CELSR2: variants seen among roughly 807,000 people sequenced by gnomAD.
CELSR2 encodes the protein cadherin EGF LAG seven-pass G-type receptor 2.
CELSR2 carries 81 observed loss-of-function variants against 251.6 expected under a neutral mutation model. The ratio of observed to expected loss-of-function variants is 0.32; its 90% CI spans 0.27 to 0.39. The LOEUF (loss-of-function observed/expected upper bound fraction) is 0.39, where lower values mean the gene tolerates loss of function less well. Among genes scored for constraint, CELSR2 ranks in the 10% least tolerant of loss-of-function variants. The pLI, the probability that CELSR2 is intolerant of heterozygous loss-of-function variation, is 1.00. For synonymous variants in CELSR2, 1,721 were observed against 1,670.5 expected, an observed-to-expected ratio of 1.03 and a Z score of -0.74; for missense variants, 3,365 against 3,947.7, an observed-to-expected ratio of 0.85 and a Z score of 3.96.
Position 109,272,927 on chromosome 1 carries a change from AGAGGAGGAGGAAGAG to A in CELSR2, c.8243_8257del (p.Glu2748_Glu2752del). On this transcript the variant is annotated inframe_deletion, in exon 31 of 34. Transcript: ENST00000271332. The stretch of plus-strand genomic sequence containing the variant: ...ACTCATCAGACAGTGAGGAGGAAGA[AGAGGAGGAGGAAGAG>A]GAGGCCGCCTTCCCTGGAGAGCAGG... The A allele has an allele frequency of 6.2e-7, 1 of 1,613,992 alleles. No individual in the cohort carries two copies.
Position 109,262,516 on chromosome 1 carries a change from G to A in CELSR2, c.4544+72G>A, listed in dbSNP as rs952507935. ...CAGGCAGGGAGGGAAGGTGGAGAGG[G>A]TGGGCTTTTGGGGTCTCTCTCCCTT... is the stretch of plus-strand genomic sequence containing the variant. On this transcript the variant is annotated intron_variant, in intron 6 of 33. Transcript: ENST00000271332. The A allele has an allele frequency of 3.2e-6, 5 of 1,567,000 alleles. No individual in the cohort carries two copies. The South Asian group carries it at 5.8e-5, about 18-fold the overall frequency.
At chr1:109,255,803 AT>A (rs1480028386) in intron 1 of CELSR2, among the ~76,000 whole-genome samples, 3 of 152,194 alleles carry the variant, frequency 2.0e-5, no homozygotes, top group African/African-American at 4.8e-5. Flanking sequence ...GGAGGGTGAT[AT>A]AGAAAGGAGA....
Position 109,271,248 on chromosome 1 carries a change from G to A in CELSR2, c.7628G>A (p.Arg2543Gln), listed in dbSNP as rs552465759. ...MSVFLYILAA[R>Q]ASCAAQRQGF... Reference sequence around the variant, plus strand: ...GTCTTCCTGTACATCCTGGCGGCCCGGGCCTCCTGTGCTGCCCAGCGGCAG... The same window carrying A: ...GTCTTCCTGTACATCCTGGCGGCCCAGGCCTCCTGTGCTGCCCAGCGGCAG... The change falls in exon 26 of 34, where the codon CGG becomes CAG. Residue 2543 changes from arginine (R) to glutamine (Q), a missense_variant. By Grantham distance (43) the Arg-to-Gln change is conservative (BLOSUM62 1). Around this residue, in one of 5 missense-constraint regions of CELSR2, gnomAD observed 2,093 missense variants for 2,382.8 expected, o/e 0.88. Coordinates refer to ENST00000271332, the MANE Select transcript of CELSR2 (RefSeq NM_001408.3). The A allele has an allele frequency of 1.8e-5, 29 of 1,614,022 alleles. No individual in the cohort carries two copies. In the East Asian group the frequency reaches 3.8e-4, roughly 21 times the overall value.
At chr1:109,253,474 G>T (rs1250110759) in intron 1 of CELSR2, 85 bp downstream of exon 1, 5 of 1,493,946 alleles carry the variant, frequency 3.3e-6, no homozygotes, top group Non-Finnish European at 4.4e-6. Flanking sequence ...TGCGATCCAG[G>T]AAGCAGCTAC....
At chr1:109,256,323 G>A (rs1043700381) in intron 1 of CELSR2, among the ~76,000 whole-genome samples, 1 of 152,212 alleles carries the variant, frequency 6.6e-6, no homozygotes, top group African/African-American at 2.4e-5. Context: ...TGAGACGAGA[G>A]CAGGAGGAAC....
Position 109,273,343 on chromosome 1 carries a change from G to A in CELSR2, c.8509+7G>A, listed in dbSNP as rs1338540922. On this transcript the variant is annotated splice_region_variant and intron_variant, in intron 32 of 33. Transcript: ENST00000271332. ...TCTGCCCAGCCTCACAAAGGTGAGT[G>A]GGGCACCCCCAGCTGCCGAGCTCCC... The A allele has an allele frequency of 6.2e-7, 1 of 1,600,580 alleles. No homozygotes were observed. Among genetic ancestry groups the A allele is most frequent in the Non-Finnish European group, 8.5e-7 (1 of 1,173,070 alleles).
intron 17 of CELSR2, 35 bp from the exon 18 acceptor site, chr1:109,268,537 GGTGTGGGTT>G: frequency 1.3e-6 from 2 of 1,560,064 alleles, no homozygotes; most frequent in Non-Finnish European, 1.7e-6. Flanking sequence ...GGGGATGTCA[GGTGTGGGTT>G]GTGAGCACAC....
Position 109,274,069 on chromosome 1 carries a change from C to G in CELSR2, c.*20C>G, listed in dbSNP as rs768051663. 4 of 1,614,054 alleles carry G rather than the reference C, an allele frequency of 2.5e-6. No homozygotes were observed. Among genetic ancestry groups the G allele is most frequent in the African/African-American group, 2.7e-5 (2 of 75,030 alleles). ...CATTAACCCTGGGCCGTGGTTCCTACGCCCGAGGCTCCCTTCCCTTCCCCA... is the reference window on the plus strand; with the variant it reads ...CATTAACCCTGGGCCGTGGTTCCTAGGCCCGAGGCTCCCTTCCCTTCCCCA... On this transcript the variant is annotated 3_prime_UTR_variant, in exon 34 of 34. Transcript: ENST00000271332.
intron 17 of CELSR2, among the ~76,000 whole-genome samples, 159 bp from the exon 18 acceptor site, chr1:109,268,422 G>A (rs1031379394): frequency 6.6e-6 from 1 of 152,210 alleles, no homozygotes; most frequent in African/African-American, 2.4e-5. Context: ...GACCTGAGTG[G>A]GCAGTGCGGT....
At position 109,274,240 on chromosome 1, in the gene CELSR2, C is replaced by A. The variant is rs1446577306; in HGVS notation, c.*191C>A. On this transcript the variant is annotated 3_prime_UTR_variant, in exon 34 of 34. Transcript: ENST00000271332. ...CCCACCTAAGGCCATCTAGTGCCAACTCCCCCCCCACCATTCCCCTCACTG... is the reference window on the plus strand; with the variant it reads ...CCCACCTAAGGCCATCTAGTGCCAAATCCCCCCCCACCATTCCCCTCACTG... 1 of 1,377,426 alleles carries A rather than the reference C, an allele frequency of 7.3e-7. No individual in the cohort carries two copies. The highest frequency in any genetic ancestry group is 2.5e-5 in the Admixed American group (1 of 39,334). The allele number at this position is 1,377,426 out of a possible 1,614,324, so 85.3% of individuals were successfully genotyped here. A position where few individuals can be genotyped will look rare whatever the true frequency, so the allele number is the denominator to read the frequency against.
chr1:109,250,109 C>G lies in CELSR2; in HGVS notation c.30C>G (p.Leu10=), dbSNP rs772335575. 1.4e-5 allele frequency: 20 copies of G among 1,473,170 alleles called. No homozygotes were observed. In the Admixed American group the frequency reaches 3.1e-4, roughly 22 times the overall value. The allele number at this position is 1,473,170 out of a possible 1,614,324, so 91.3% of individuals were successfully genotyped here. Residue 10 remains leucine, a synonymous_variant, in exon 1 of 34, where the codon CTC becomes CTG. Coordinates refer to ENST00000271332, the MANE Select transcript of CELSR2 (RefSeq NM_001408.3). This position sits in a 1 kb window ranked among gnomAD's most constrained non-coding sequence, Gnocchi z 4.4. The part of the protein sequence containing the change: MRSPATGVP[L]PTPPPPLLLL... The stretch of plus-strand genomic sequence containing the variant: ...GGAGCCCGGCCACCGGCGTCCCCCT[C>G]CCAACGCCGCCGCCGCCGCTGCTGC...
In CELSR2 at chr1:109,252,737, G is replaced by A; in HGVS notation, c.2658G>A (p.Gln886=). The change falls in exon 1 of 34, where the codon CAG becomes CAA. Residue 886 remains glutamine (Q), a synonymous_variant. Transcript: ENST00000271332. The surrounding 1 kb of genome is among the most constrained non-coding windows in gnomAD (Gnocchi z 4.8). ...GGCTGGATCGAGAGAACGTGGCCCA[G>A]TATGTCTTGCGGGCATATGCAGTGG... is the stretch of plus-strand genomic sequence containing the variant. ...LRRLDRENVA[Q]YVLRAYAVDK... 3 of 1,614,050 alleles carry A rather than the reference G, an allele frequency of 1.9e-6. No homozygotes were observed. Among genetic ancestry groups the A allele is most frequent in the Non-Finnish European group, 2.5e-6 (3 of 1,180,030 alleles).
At chr1:109,270,329 T>C (rs913456531) in intron 23 of CELSR2, 97 bp from the exon 24 acceptor site, 3 of 1,437,688 alleles carry the variant, frequency 2.1e-6, no homozygotes, top group Non-Finnish European at 2.9e-6. Flanking sequence ...CTGGAAGCAG[T>C]TCCCAACACC....
rs1288288060 is a variant in CELSR2 at position 109,272,961 on chromosome 1, G to C, written c.8272G>C (p.Glu2758Gln). Reference protein sequence around the residue: ...EEEEEAAFPGEQGWDSLLGPG... With the variant: ...EEEEEAAFPGQQGWDSLLGPG... Reference sequence around the variant, plus strand: ...GGAAGAGGAGGCCGCCTTCCCTGGAGAGCAGGGCTGGGATAGCCTGCTGGG... The same window carrying C: ...GGAAGAGGAGGCCGCCTTCCCTGGACAGCAGGGCTGGGATAGCCTGCTGGG... Residue 2758 changes from glutamate (E) to glutamine (Q), a missense_variant, in exon 31 of 34, where the codon GAG (glutamate) becomes CAG (glutamine). Transcript: ENST00000271332. 1.1e-5 allele frequency: 18 copies of C among 1,613,982 alleles called. No homozygotes were observed. The highest frequency in any genetic ancestry group is 1.4e-5 in the Non-Finnish European group (17 of 1,180,026).
Position 109,272,664 on chromosome 1 carries a change from C to A in CELSR2, c.8079C>A (p.Gly2693=). 6.2e-7 allele frequency: 1 copy of A among 1,613,624 alleles called. No homozygotes were observed. Among genetic ancestry groups the A allele is most frequent in the Non-Finnish European group, 8.5e-7 (1 of 1,179,890 alleles). The change falls in exon 30 of 34, where the codon GGC becomes GGA. Residue 2693 remains glycine, a synonymous_variant. Coordinates refer to ENST00000271332, the MANE Select transcript of CELSR2 (RefSeq NM_001408.3). The part of the protein sequence containing the change: ...LLREESALNP[G]QGPPGLGDPG... ...GGGAGGAGTCCGCACTGAACCCTGG[C>A]CAAGGGCCCCCTGGCCTGGGGGATC... is the stretch of plus-strand genomic sequence containing the variant.
rs1376891036 is a variant in CELSR2, at chr1:109,250,105, C to G, written c.26C>G (p.Pro9Arg). ...ATGCGGAGCCCGGCCACCGGCGTCCCCCTCCCAACGCCGCCGCCGCCGCTG... is the reference window on the plus strand; with the variant it reads ...ATGCGGAGCCCGGCCACCGGCGTCCGCCTCCCAACGCCGCCGCCGCCGCTG... MRSPATGV[P>R]LPTPPPPLLL... is the part of the protein sequence containing the mutation. Residue 9 changes from proline (P) to arginine (R), a missense_variant, in exon 1 of 34, where the codon CCC becomes CGC. Physicochemically the swap from Pro to Arg is moderately radical, Grantham distance 103 (BLOSUM62 -2). This residue lies in a region of CELSR2 where 704 missense variants were observed against 784.1 expected (regional missense o/e 0.90). Transcript: ENST00000271332. The surrounding 1 kb of genome is among the most constrained non-coding windows in gnomAD (Gnocchi z 4.4). 6.5e-7 allele frequency: 1 copy of G among 1,549,614 alleles called. No individual in the cohort carries two copies. The highest frequency in any genetic ancestry group is 8.7e-7 in the Non-Finnish European group (1 of 1,153,100).
intron 6 of CELSR2, 100 bp from the exon 7 acceptor site, chr1:109,262,706 C>A: frequency 1.3e-6 from 2 of 1,543,568 alleles, no homozygotes; most frequent in Non-Finnish European, 8.8e-7. Context: ...CTCTTGGACA[C>A]CTGCCTACGC....
At position 109,258,624 on chromosome 1, in the gene CELSR2, A is replaced by T; in HGVS notation, c.3503A>T (p.Asn1168Ile). 1 of 1,569,734 alleles carries T rather than the reference A, an allele frequency of 6.4e-7. No individual in the cohort carries two copies. Among genetic ancestry groups the T allele is most frequent in the Non-Finnish European group, 8.6e-7 (1 of 1,157,540 alleles). Reference sequence around the variant, plus strand: ...CCACCGGACCACGTGGTGGTCTTCAACGTACAGCGGGACACCGACGCCCCC... The same window carrying T: ...CCACCGGACCACGTGGTGGTCTTCATCGTACAGCGGGACACCGACGCCCCC... ...ATPPDHVVVF[N>I]VQRDTDAPGG... Residue 1168 changes from asparagine (N) to isoleucine (I), a missense_variant, in exon 2 of 34, where the codon AAC becomes ATC. Transcript: ENST00000271332.
rs1362693607 is a variant in CELSR2, at chr1:109,262,437, A to G, written c.4537A>G (p.Ser1513Gly). 8.7e-6 allele frequency: 14 copies of G among 1,613,756 alleles called. 1 individual carries two copies. In the Admixed American group the frequency reaches 2.3e-4, roughly 27 times the overall value. ...SCAAQGTQGG[S>G]KKSLDLTGPL... ...TGCTGCCCAGGGCACCCAGGGTGGCAGCAAGAAGTGAGCAGGGGAAAGGGC... is the reference window on the plus strand; with the variant it reads ...TGCTGCCCAGGGCACCCAGGGTGGCGGCAAGAAGTGAGCAGGGGAAAGGGC... Residue 1513 changes from serine to glycine, a missense_variant, in exon 6 of 34, where the codon AGC becomes GGC. Physicochemically the swap from Ser to Gly is moderately conservative, Grantham distance 56. Around this residue, in one of 5 missense-constraint regions of CELSR2, gnomAD observed 2,093 missense variants for 2,382.8 expected, o/e 0.88. Coordinates refer to ENST00000271332, the MANE Select transcript of CELSR2 (RefSeq NM_001408.3).
Sources: allele counts gnomAD v4.1 joint callset (sites outside exome capture counted in the v4.1 genomes callset), GRCh38; gene constraint gnomAD v4.1.1; regional missense constraint gnomAD v4.1.1; non-coding constraint Gnocchi (gnomAD v3.1); transcripts MANE v1.5; gene names NCBI Gene and HGNC (gene_info 2026-07-23, HGNC 2026-07-21).